Variants in RXFP1 observed in about 807,000 individuals in gnomAD.
The protein encoded by RXFP1 is relaxin receptor 1.
RXFP1 carries 73 observed loss-of-function variants against 89.8 expected under a neutral mutation model. The observed-to-expected ratio is 0.81, with a 90% CI of 0.67 to 0.99. RXFP1 has a LOEUF of 0.99. Ranked by LOEUF, RXFP1 falls within the 50% of genes least tolerant of loss-of-function variation. RXFP1 has a pLI of 0.00. For missense variants in RXFP1, 793 were observed against 895.5 expected (o/e 0.89, Z 1.46); for synonymous variants, 277 against 305.5 (o/e 0.91, Z 0.97).
At chr4:158,559,761 T>C (rs867560706) in intron 1 of RXFP1, among the ~76,000 whole-genome samples, 2 of 152,248 alleles carry the variant, frequency 1.3e-5, no homozygotes, top group Admixed American at 1.3e-4. Flanking sequence ...GGCAAATTGG[T>C]ATCTTTACAC....
chr4:158,599,232 G>T (rs1298807053), intron 3 of RXFP1, 94 bp from the exon 4 acceptor site: 23 of 1,575,534 alleles, frequency 1.5e-5, no homozygotes, highest in Non-Finnish European at 1.7e-5. Flanking sequence ...TGTACTAAAT[G>T]ATTTTCTCAT....
intron 10 of RXFP1, among the ~76,000 whole-genome samples, chr4:158,627,963 G>A (rs1052010999): frequency 6.6e-6 from 1 of 152,156 alleles, no homozygotes; most frequent in Non-Finnish European, 1.5e-5. Flanking sequence ...GTGCTTTTAA[G>A]GTCCAAGAAT....
intron 14 of RXFP1, among the ~76,000 whole-genome samples, chr4:158,644,147 C>T (rs13141587): frequency 0.69 from 103,543 of 150,122 alleles, 41,796 homozygotes; most frequent in East Asian, 0.97. Flanking sequence ...CCCAGGTTCA[C>T]GCCATTCTCC....
intron 9 of RXFP1, among the ~76,000 whole-genome samples, chr4:158,623,577 A>C (rs1352615550): frequency 6.6e-6 from 1 of 151,950 alleles, no homozygotes; most frequent in East Asian, 1.9e-4. Context: ...ACCAAAATAA[A>C]TAAATAACAT....
At chr4:158,641,334 T>A (rs192976732) in intron 14 of RXFP1, among the ~76,000 whole-genome samples, 1 of 152,334 alleles carries the variant, frequency 6.6e-6, no homozygotes, top group Non-Finnish European at 1.5e-5. Flanking sequence ...CTAGGGTACT[T>A]ACCTACTCTG....
At chr4:158,651,119 G>A (rs2150283096) in intron 17 of RXFP1, among the ~76,000 whole-genome samples, 1 of 151,192 alleles carries the variant, frequency 6.6e-6, no homozygotes, top group South Asian at 2.1e-4. Flanking sequence ...ATGAGACCCT[G>A]TCTCAAAAAC....
At chr4:158,651,403 CACTTAAATTTATG>C (rs1772705561) in intron 17 of RXFP1, among the ~76,000 whole-genome samples, 1 of 152,138 alleles carries the variant, frequency 6.6e-6, no homozygotes, top group Non-Finnish European at 1.5e-5. Context: ...AATTATTAAG[CACTTAAATTTATG>C]ACTTAAATAC....
chr4:158,610,797 G>A, intron 6 of RXFP1: 1 of 976,782 alleles, frequency 1.0e-6, no homozygotes, highest in Non-Finnish European at 1.4e-6. Context: ...GCCCACCTGG[G>A]CTCCAGGTTT....
chr4:158,562,925 C>A (rs1028313775), intron 1 of RXFP1, among the ~76,000 whole-genome samples: 1 of 152,044 alleles, frequency 6.6e-6, no homozygotes, highest in Non-Finnish European at 1.5e-5. Context: ...GCTAATATTC[C>A]TAAGTAGGGG....
intron 16 of RXFP1, among the ~76,000 whole-genome samples, chr4:158,648,035 G>C (rs1435355119): frequency 3.3e-5 from 5 of 151,850 alleles, no homozygotes; most frequent in African/African-American, 1.2e-4. Context: ...AAATTAGCTG[G>C]TGTGATGGCA....
intron 1 of RXFP1, among the ~76,000 whole-genome samples, chr4:158,550,220 C>A (rs781387556): frequency 1.3e-5 from 2 of 152,190 alleles, no homozygotes; most frequent in African/African-American, 4.8e-5. Context: ...TAGCAATCAG[C>A]GAGACTCCGT....
chr4:158,631,954 A>G (rs1348550582), intron 11 of RXFP1, among the ~76,000 whole-genome samples: 1 of 152,160 alleles, frequency 6.6e-6, no homozygotes, highest in Non-Finnish European at 1.5e-5. Flanking sequence ...TTAGCTGGGC[A>G]TGGTGGCATA....
chr4:158,650,538 G>A (rs1225033230), intron 17 of RXFP1, among the ~76,000 whole-genome samples: 2 of 151,836 alleles, frequency 1.3e-5, no homozygotes, highest in East Asian at 3.9e-4. Flanking sequence ...GGAGGCTGAG[G>A]TGGGCAGATC....
intron 1 of RXFP1, 72 bp from the exon 2 acceptor site, chr4:158,572,626 G>A (rs1363404771): frequency 4.6e-6 from 6 of 1,307,586 alleles, no homozygotes; most frequent in African/African-American, 1.5e-5. Context: ...AAAATATCAG[G>A]GAGAAACTGC....
intron 4 of RXFP1, among the ~76,000 whole-genome samples, chr4:158,603,356 T>A (rs1430684784): frequency 1.3e-5 from 2 of 152,160 alleles, no homozygotes; most frequent in Non-Finnish European, 2.9e-5. Context: ...AGCTCCTCAA[T>A]TAGTTAATAT....
At chr4:158,616,478 C>G (rs1764587791) in intron 8 of RXFP1, among the ~76,000 whole-genome samples, 1 of 148,766 alleles carries the variant, frequency 6.7e-6, no homozygotes, top group Non-Finnish European at 1.5e-5. Flanking sequence ...GGTGTGCCTA[C>G]ATTAATCTTG....
Position 158,527,309 on chromosome 4 carries a change from G to A in RXFP1, c.49+5284G>A, listed in dbSNP as rs546966392. On this transcript the variant is annotated intron_variant, in intron 1 of 17. Coordinates refer to ENST00000307765, the MANE Select transcript of RXFP1 (RefSeq NM_021634.4). The stretch of plus-strand genomic sequence containing the variant: ...TGTAATCCCAGCACTTTGGGAGGCC[G>A]AGGCAGGAGGATCATTTGAGGTCAG... 5.1e-3 allele frequency among the ~76,000 whole-genome samples: 768 copies of A among 151,900 alleles called. 2 individuals carry two copies. Among genetic ancestry groups the A allele is most frequent in the Non-Finnish European group, 7.6e-3 (514 of 67,942 alleles).
intron 1 of RXFP1, among the ~76,000 whole-genome samples, chr4:158,554,769 T>A (rs1170628406): frequency 6.6e-6 from 1 of 152,110 alleles, no homozygotes; most frequent in Non-Finnish European, 1.5e-5. Flanking sequence ...GTAAAAGGAC[T>A]TCAAATGCTG....
At chr4:158,608,349 G>A (rs547468062) in intron 6 of RXFP1, among the ~76,000 whole-genome samples, 122 of 131,744 alleles carry the variant, frequency 9.3e-4, no homozygotes, top group Non-Finnish European at 1.6e-3. Flanking sequence ...GTGCAGTGGC[G>A]CAATCTCAGC....
Sources: gnomAD v4.1 joint callset for allele counts (sites outside exome capture counted in the v4.1 genomes callset) on GRCh38, gnomAD v4.1.1 for gene constraint, MANE v1.5 for transcripts, NCBI Gene and HGNC (gene_info 2026-07-23, HGNC 2026-07-21) for gene names.